Variants in COG6 observed in about 807,000 individuals in gnomAD.
COG6 encodes the protein component of oligomeric golgi complex 6.
COG6 carries 74 observed loss-of-function variants against 88.8 expected under a neutral mutation model. That is an observed-to-expected ratio of 0.83 (90% CI 0.69 to 1.01). The LOEUF (loss-of-function observed/expected upper bound fraction) is 1.01, where lower values mean the gene tolerates loss of function less well. COG6 is among the 50% of genes least tolerant of loss of function. COG6 has a pLI of 0.00. For missense variants in COG6, 800 were observed against 797.9 expected (o/e 1.00, Z -0.03); for synonymous variants, 286 against 278.7 (o/e 1.03, Z -0.26).
Position 39,687,618 on chromosome 13 carries a change from C to T in COG6, c.904C>T (p.His302Tyr). 6.2e-7 allele frequency: 1 copy of T among 1,613,974 alleles called. No individual in the cohort carries two copies. Among genetic ancestry groups the T allele is most frequent in the Non-Finnish European group, 8.5e-7 (1 of 1,180,014 alleles). Residue 302 changes from histidine (H) to tyrosine (Y), a missense_variant, in exon 9 of 19, where the codon CAT becomes TAT. By Grantham distance (83) the His-to-Tyr change is moderately conservative. Coordinates refer to ENST00000455146, the MANE Select transcript of COG6 (RefSeq NM_020751.3). Reference sequence around the variant, plus strand: ...ACCTAGACCAATTGAAATGCATTCTCATGACCCTTTGAGGTATAGTAATCA... The same window carrying T: ...ACCTAGACCAATTGAAATGCATTCTTATGACCCTTTGAGGTATAGTAATCA... ...GTPRPIEMHS[H>Y]DPLRYVGDML...
intron 4 of COG6, among the ~76,000 whole-genome samples, chr13:39,665,675 C>T (rs1279196887): frequency 6.6e-6 from 1 of 152,040 alleles, no homozygotes; most frequent in Non-Finnish European, 1.5e-5. Flanking sequence ...AAACTCATAG[C>T]AATTATGCTA....
intron 18 of COG6, among the ~76,000 whole-genome samples, chr13:39,786,425 G>A (rs1317811042): frequency 6.6e-6 from 1 of 152,164 alleles, no homozygotes; most frequent in Non-Finnish European, 1.5e-5. Flanking sequence ...CTAGGTGATC[G>A]TGGGATCCTG....
At chr13:39,788,091 A>G (rs1489214637) in intron 18 of COG6, among the ~76,000 whole-genome samples, 2 of 152,212 alleles carry the variant, frequency 1.3e-5, no homozygotes, top group African/African-American at 4.8e-5. Flanking sequence ...AATTTTCTCG[A>G]AATGCCATGC....
intron 4 of COG6, among the ~76,000 whole-genome samples, chr13:39,669,470 T>G (rs1416681194): frequency 1.3e-5 from 2 of 152,246 alleles, no homozygotes; most frequent in Non-Finnish European, 2.9e-5. Context: ...AATCGTTGAT[T>G]TGATTGTCTC....
rs536937093 is a variant in COG6, at chr13:39,717,042, T to A, written c.1285-2194T>A. Among the ~76,000 whole-genome samples, 9 of 152,286 alleles carry A rather than the reference T, an allele frequency of 5.9e-5. No individual in the cohort carries two copies. In the East Asian group the frequency reaches 1.7e-3, roughly 29 times the overall value. ...GTATGCTAGTGAAGAATTTTTGCCT[T>A]TATTTGGAGTGTCTTAATTTCCCCC... On this transcript the variant is annotated intron_variant, in intron 13 of 18. Transcript: ENST00000455146.
chr13:39,706,193 CTTCTT>C (rs1283951431), intron 13 of COG6, among the ~76,000 whole-genome samples: 1 of 130,054 alleles, frequency 7.7e-6, no homozygotes, highest in African/African-American at 3.0e-5. Context: ...TACACACACA[CTTCTT>C]TTATATATAT....
chr13:39,658,626 C>T (rs1424344599), intron 1 of COG6, among the ~76,000 whole-genome samples: 2 of 152,136 alleles, frequency 1.3e-5, no homozygotes, highest in Non-Finnish European at 2.9e-5. Context: ...TACTCCCCTG[C>T]CTAAAATCGT....
At chr13:39,685,703 G>A (rs1394123833) in intron 8 of COG6, among the ~76,000 whole-genome samples, 1 of 152,076 alleles carries the variant, frequency 6.6e-6, no homozygotes, top group Non-Finnish European at 1.5e-5. Flanking sequence ...AGAATCAGGT[G>A]ATCATTTAAA....
chr13:39,751,223 G>C lies in COG6; in HGVS notation c.*130G>C, dbSNP rs775800854. 3 of 1,512,902 alleles carry C rather than the reference G, an allele frequency of 2.0e-6. No homozygotes were observed. Among genetic ancestry groups the C allele is most frequent in the African/African-American group, 2.8e-5 (2 of 71,392 alleles). The allele number at this position is 1,512,902 out of a possible 1,614,324, so 93.7% of individuals were successfully genotyped here. Reference sequence around the variant, plus strand: ...TTTGTATCATAAGATTGTAAGTCCCGATAATTTTTTTTTTTTTGGTCTCAG... The same window carrying C: ...TTTGTATCATAAGATTGTAAGTCCCCATAATTTTTTTTTTTTTGGTCTCAG... On this transcript the variant is annotated 3_prime_UTR_variant, in exon 19 of 19. Coordinates refer to ENST00000455146, the MANE Select transcript of COG6 (RefSeq NM_020751.3).
At chr13:39,663,883 G>A (rs1466723192) in intron 3 of COG6, among the ~76,000 whole-genome samples, 1 of 106,070 alleles carries the variant, frequency 9.4e-6, no homozygotes, top group Non-Finnish European at 2.0e-5. Flanking sequence ...GTGAGACCCT[G>A]CCTCTTTAAA....
intron 12 of COG6, among the ~76,000 whole-genome samples, chr13:39,695,748 G>C (rs1006178376): frequency 2.0e-5 from 3 of 151,848 alleles, no homozygotes; most frequent in African/African-American, 7.2e-5. Context: ...CTACAAAACT[G>C]ATCAGAGATA....
rs1006353046 is a variant in COG6 at position 39,751,965 on chromosome 13, A to G, written c.*872A>G. ...TATCTGGTGTTCAAACCAAAGAAAC[A>G]ATGATCTACTCAAACATTGGAGAAA... On this transcript the variant is annotated 3_prime_UTR_variant, in exon 19 of 19. Coordinates refer to ENST00000455146, the MANE Select transcript of COG6 (RefSeq NM_020751.3). The G allele has an allele frequency of 2.5e-6, 3 of 1,222,802 alleles. No individual in the cohort carries two copies. Among genetic ancestry groups the G allele is most frequent in the African/African-American group, 3.1e-5 (2 of 64,384 alleles). 75.7% of individuals were successfully genotyped at this position (1,222,802 alleles called of 1,614,324 possible).
chr13:39,723,496 C>T (rs1437823031), intron 16 of COG6, 56 bp downstream of exon 16: 17 of 985,138 alleles, frequency 1.7e-5, no homozygotes, highest in Non-Finnish European at 2.1e-5. Flanking sequence ...TAGAGTATGT[C>T]TTCTAGAGCT....
Position 39,751,093 on chromosome 13 carries a change from A to T in COG6, c.1974A>T (p.Ter658CysextTer30), listed in dbSNP as rs1880601700. The T allele has an allele frequency of 6.2e-7, 1 of 1,613,460 alleles. No individual in the cohort carries two copies. The highest frequency in any genetic ancestry group is 8.5e-7 in the Non-Finnish European group (1 of 1,179,670). Residue 658 changes from the stop codon to cysteine (C), a stop_lost, in exon 19 of 19, where the codon TGA becomes TGT. Coordinates refer to ENST00000455146, the MANE Select transcript of COG6 (RefSeq NM_020751.3). ...AGCAAGTGCAGACGCTTCTTTCCTGATTATCTTATTTCATTGTGTTAGCAA... is the reference window on the plus strand; with the variant it reads ...AGCAAGTGCAGACGCTTCTTTCCTGTTTATCTTATTTCATTGTGTTAGCAA... ...SPQQVQTLLS* is the reference protein window; with the variant it reads ...SPQQVQTLLSC
At chr13:39,689,073 G>A (rs1397974596) in intron 10 of COG6, among the ~76,000 whole-genome samples, 2 of 152,158 alleles carry the variant, frequency 1.3e-5, no homozygotes, top group Non-Finnish European at 2.9e-5. Flanking sequence ...TTCTCTTTCT[G>A]TTATTATTCT....
intron 18 of COG6, among the ~76,000 whole-genome samples, chr13:39,758,263 C>A (rs1252848205): frequency 1.3e-5 from 2 of 149,430 alleles, no homozygotes; most frequent in African/African-American, 2.5e-5. Context: ...GACGCGGTGG[C>A]TCATGCCTGT....
intron 18 of COG6, among the ~76,000 whole-genome samples, chr13:39,780,965 C>G (rs1394991962): frequency 1.3e-5 from 2 of 152,162 alleles, no homozygotes; most frequent in African/African-American, 2.4e-5. Context: ...CTGTTGCTAA[C>G]TAAGTAAAAA....
chr13:39,788,364 G>C, exon 19 of COG6: 4 of 1,551,702 alleles, frequency 2.6e-6, no homozygotes, highest in East Asian at 2.4e-5. Flanking sequence ...TGATCATCTT[G>C]TAACCAGTGC....
At chr13:39,735,034 GGGT>G in intron 18 of COG6, among the ~76,000 whole-genome samples, 1 of 151,222 alleles carries the variant, frequency 6.6e-6, no homozygotes, top group East Asian at 1.9e-4. Context: ...ACAGATTTTT[GGGT>G]CTTGTTTTTT....
Sources: allele counts gnomAD v4.1 joint callset (sites outside exome capture counted in the v4.1 genomes callset), GRCh38; gene constraint gnomAD v4.1.1; transcripts MANE v1.5; gene names NCBI Gene and HGNC (gene_info 2026-07-23, HGNC 2026-07-21).